Variants in CACNA1D observed in about 807,000 individuals in gnomAD.
CACNA1D encodes calcium voltage-gated channel subunit alpha1 D.
In CACNA1D, 55 loss-of-function variants were observed where a neutral mutation model predicts 257.1. The ratio of observed to expected loss-of-function variants is 0.21; its 90% confidence interval spans 0.17 to 0.27. CACNA1D has a LOEUF of 0.27. Among genes scored for constraint, CACNA1D ranks in the 10% least tolerant of loss-of-function variants. The pLI, the probability that CACNA1D is intolerant of heterozygous loss-of-function variation, is 1.00. For missense variants in CACNA1D, 1,876 were observed against 2,784.0 expected (o/e 0.67, Z 7.34); for synonymous variants, 980 against 1,014.9 (o/e 0.97, Z 0.65).
chr3:53,673,833 G>T lies in CACNA1D; in HGVS notation c.1220+707G>T, dbSNP rs1369500136. On this transcript the variant is annotated intron_variant, in intron 8 of 47. Transcript: ENST00000350061. The surrounding 1 kb of genome is among the most constrained non-coding windows in gnomAD (Gnocchi z 4.1). ...CCTTAGTGGGTAAGCAGTCGGATCC[G>T]TGTTGCACCTTCTCCTGCTGCCACG... is the stretch of plus-strand genomic sequence containing the variant. The T allele has an allele frequency of 3.3e-6, 5 of 1,516,922 alleles. No individual in the cohort carries two copies. The highest frequency in any genetic ancestry group is 4.6e-6 in the Non-Finnish European group (5 of 1,091,248). 94.0% of individuals were successfully genotyped at this position (1,516,922 alleles called of 1,614,324 possible).
chr3:53,751,641 C>A lies in CACNA1D; in HGVS notation c.3517-108C>A. 1 of 1,109,174 alleles carries A rather than the reference C, an allele frequency of 9.0e-7. No individual in the cohort carries two copies. Among genetic ancestry groups the A allele is most frequent in the Non-Finnish European group, 1.4e-6 (1 of 723,006 alleles). The allele number at this position is 1,109,174 out of a possible 1,614,324, so 68.7% of individuals were successfully genotyped here. A position where few individuals can be genotyped will look rare whatever the true frequency, so the allele number is the denominator to read the frequency against. On this transcript the variant is annotated intron_variant, in intron 27 of 47. Transcript: ENST00000350061. The surrounding 1 kb of genome is among the most constrained non-coding windows in gnomAD (Gnocchi z 4.3). ...TAATCATTTTCACCATCGTCCACGG[C>A]CCCTTCCCGGGAGCTGTAGGGTGAG...
At chr3:53,611,564 T>C (rs1045785115) in intron 3 of CACNA1D, among the ~76,000 whole-genome samples, 1 of 152,174 alleles carries the variant, frequency 6.6e-6, no homozygotes, top group East Asian at 1.9e-4. Context: ...ATGTGGGTTA[T>C]AGTCTTTATA....
intron 6 of CACNA1D, 119 bp downstream of exon 6, chr3:53,665,931 G>T: frequency 1.3e-6 from 1 of 755,122 alleles, no homozygotes. Flanking sequence ...CAATATACCA[G>T]CACATTTACT....
chr3:53,749,811 T>G (rs561455859), intron 27 of CACNA1D, among the ~76,000 whole-genome samples: 1 of 152,242 alleles, frequency 6.6e-6, no homozygotes, highest in Non-Finnish European at 1.5e-5. Flanking sequence ...TCACAGTCCC[T>G]ACTGGGAGAT....
intron 3 of CACNA1D, among the ~76,000 whole-genome samples, chr3:53,581,932 T>A (rs1469700598): frequency 6.6e-6 from 1 of 152,220 alleles, no homozygotes; most frequent in East Asian, 1.9e-4. Flanking sequence ...TCGAAGCTGC[T>A]GTCTCCAGTG....
intron 3 of CACNA1D, among the ~76,000 whole-genome samples, chr3:53,579,639 A>G (rs1471626281): frequency 6.6e-6 from 1 of 152,240 alleles, no homozygotes; most frequent in African/African-American, 2.4e-5. Context: ...ATTTTCAAAA[A>G]CATACTCCCA....
intron 30 of CACNA1D, among the ~76,000 whole-genome samples, chr3:53,764,483 G>A (rs960864548): frequency 9.2e-5 from 14 of 152,246 alleles, no homozygotes; most frequent in Non-Finnish European, 1.9e-4. Flanking sequence ...TGCTGTGCAG[G>A]TGGTGGGTGT....
chr3:53,651,181 G>A (rs2094088081), intron 4 of CACNA1D, among the ~76,000 whole-genome samples: 1 of 152,048 alleles, frequency 6.6e-6, no homozygotes, highest in Non-Finnish European at 1.5e-5. Flanking sequence ...TAATATGAGA[G>A]GCTTTACCTA....
At chr3:53,713,182 G>T (rs1231339772) in intron 9 of CACNA1D, among the ~76,000 whole-genome samples, 1 of 152,170 alleles carries the variant, frequency 6.6e-6, no homozygotes, top group Non-Finnish European at 1.5e-5. Flanking sequence ...CTGGTTGTTG[G>T]TAGTAAAACC....
chr3:53,700,388 C>G (rs1173732545), intron 8 of CACNA1D, among the ~76,000 whole-genome samples: 3 of 152,048 alleles, frequency 2.0e-5, no homozygotes, highest in African/African-American at 7.2e-5. Flanking sequence ...TTTAAGAAAA[C>G]AGATTATATA....
chr3:53,717,768 A>C (rs77107942), intron 9 of CACNA1D, among the ~76,000 whole-genome samples: 4,797 of 152,238 alleles, frequency 0.032, 252 homozygotes, highest in African/African-American at 0.11. Context: ...AATAGCAAAA[A>C]AATAGAGTTC....
chr3:53,608,744 TC>T (rs939519146), intron 3 of CACNA1D, among the ~76,000 whole-genome samples: 2 of 152,240 alleles, frequency 1.3e-5, no homozygotes, highest in African/African-American at 4.8e-5. Flanking sequence ...CATATGGTTT[TC>T]TTTTTTATTC....
In CACNA1D at chr3:53,751,055, A is replaced by G. The variant is rs972946755; in HGVS notation, c.3517-694A>G. Among the ~76,000 whole-genome samples, 1 of 152,120 alleles carries G rather than the reference A, an allele frequency of 6.6e-6. No homozygotes were observed. Among genetic ancestry groups the G allele is most frequent in the Non-Finnish European group, 1.5e-5 (1 of 68,020 alleles). The stretch of plus-strand genomic sequence containing the variant: ...GCTACAGTGCTCCAGCTGGGCCCCA[A>G]CCTGTGTTCAATCCAGCTGTCACTA... On this transcript the variant is annotated intron_variant, in intron 27 of 47. Coordinates refer to ENST00000350061, the MANE Select transcript of CACNA1D (RefSeq NM_001128840.3). The surrounding 1 kb of genome is among the most constrained non-coding windows in gnomAD (Gnocchi z 4.3).
intron 14 of CACNA1D, among the ~76,000 whole-genome samples, chr3:53,724,449 A>G (rs2094911850): frequency 6.6e-6 from 1 of 152,158 alleles, no homozygotes; most frequent in East Asian, 1.9e-4. Context: ...TCAGAGTGGT[A>G]GGAACTGTGG....
chr3:53,548,749 T>C (rs1032034089), intron 3 of CACNA1D, among the ~76,000 whole-genome samples: 4 of 152,184 alleles, frequency 2.6e-5, no homozygotes, highest in Admixed American at 2.6e-4. Context: ...GCATCTGCCA[T>C]GTAGTGGTTC....
intron 3 of CACNA1D, among the ~76,000 whole-genome samples, chr3:53,536,007 T>C (rs2092104427): frequency 6.6e-6 from 1 of 152,224 alleles, no homozygotes; most frequent in African/African-American, 2.4e-5. Flanking sequence ...ATTCAGTGGA[T>C]ATGACGGCTG....
chr3:53,660,382 G>A (rs76894271), intron 5 of CACNA1D, 107 bp downstream of exon 5: 12 of 1,025,454 alleles, frequency 1.2e-5, no homozygotes, highest in Non-Finnish European at 1.8e-5. Context: ...CCAGCCAGGG[G>A]TCAGCAGATG....
At chr3:53,627,507 A>G (rs997554420) in intron 3 of CACNA1D, among the ~76,000 whole-genome samples, 9 of 151,152 alleles carry the variant, frequency 6.0e-5, no homozygotes, top group African/African-American at 1.7e-4. Context: ...CGTTTCTTAG[A>G]TCTAGGAAGG....
intron 29 of CACNA1D, among the ~76,000 whole-genome samples, chr3:53,761,791 C>T (rs533668353): frequency 3.3e-5 from 5 of 152,154 alleles, no homozygotes; most frequent in African/African-American, 9.6e-5. Flanking sequence ...TGTGCGTGGG[C>T]GTGCACCTTC....
Sources: allele counts gnomAD v4.1 joint callset (sites outside exome capture counted in the v4.1 genomes callset), GRCh38; gene constraint gnomAD v4.1.1; non-coding constraint Gnocchi (gnomAD v3.1); transcripts MANE v1.5; gene names NCBI Gene and HGNC (gene_info 2026-07-23, HGNC 2026-07-21).